Variants in HS6ST2 observed in about 807,000 individuals in gnomAD.
The protein encoded by HS6ST2 is heparan sulfate 6-O-sulfotransferase 2.
A neutral mutation model predicts 33.0 loss-of-function variants in HS6ST2; 17 were observed. That is an observed-to-expected ratio of 0.52 (90% CI 0.35 to 0.77). HS6ST2 has a LOEUF of 0.77. Among genes scored for constraint, HS6ST2 ranks in the 30% least tolerant of loss-of-function variants. HS6ST2 has a pLI of 0.01. For synonymous variants in HS6ST2, 248 were observed against 237.1 expected (o/e 1.05, Z -0.42); for missense variants, 519 against 551.7 (o/e 0.94, Z 0.59).
intron 2 of HS6ST2, among the ~76,000 whole-genome samples, chrX:132,858,994 C>A (rs1413301611): frequency 8.9e-6 from 1 of 112,374 alleles, no homozygotes; most frequent in African/African-American, 3.2e-5. Flanking sequence ...TTGTACAATG[C>A]ACAAACTGAA....
At chrX:132,889,631 T>G (rs897104965) in intron 2 of HS6ST2, among the ~76,000 whole-genome samples, 1 of 111,027 alleles carries the variant, frequency 9.0e-6, no homozygotes, top group Non-Finnish European at 1.9e-5. Context: ...ACCTTGGTAG[T>G]GGGTATGTGA....
At chrX:132,787,186 T>TATATATATATAC (rs1257971724) in intron 2 of HS6ST2, among the ~76,000 whole-genome samples, 1 of 77,160 alleles carries the variant, frequency 1.3e-5, no homozygotes, top group African/African-American at 5.9e-5. Flanking sequence ...TATATATATA[T>TATATATATATAC]ACATATATAT....
chrX:132,960,019 CA>C (rs1312576164), upstream of HS6ST2, among the ~76,000 whole-genome samples: 3 of 112,310 alleles, frequency 2.7e-5, no homozygotes, highest in African/African-American at 9.7e-5. Flanking sequence ...CAGCTGCAGA[CA>C]TAAGGGATAG....
At chrX:132,930,404 A>T (rs1229161363) in intron 2 of HS6ST2, among the ~76,000 whole-genome samples, 1 of 110,834 alleles carries the variant, frequency 9.0e-6, no homozygotes, top group African/African-American at 3.3e-5. Context: ...ACTTCTGGTG[A>T]TCCACCCACC....
intron 3 of HS6ST2, among the ~76,000 whole-genome samples, chrX:132,691,290 G>A (rs1290242885): frequency 3.6e-5 from 4 of 111,819 alleles, no homozygotes. Flanking sequence ...CTAAGGGTTT[G>A]GGCTGTAAAT....
At chrX:132,906,403 C>T in intron 2 of HS6ST2, among the ~76,000 whole-genome samples, 1 of 112,188 alleles carries the variant, frequency 8.9e-6, no homozygotes, top group East Asian at 2.8e-4. Context: ...GTAATAAATC[C>T]ATAAGAATAA....
At chrX:132,710,905 C>T (rs2064226155) in intron 2 of HS6ST2, among the ~76,000 whole-genome samples, 1 of 111,528 alleles carries the variant, frequency 9.0e-6, no homozygotes, top group Non-Finnish European at 1.9e-5. Context: ...CTGTCATGTT[C>T]TTTAACAGCT....
At chrX:132,904,055 T>C (rs995794556) in intron 2 of HS6ST2, among the ~76,000 whole-genome samples, 18 of 111,894 alleles carry the variant, frequency 1.6e-4, no homozygotes, top group African/African-American at 5.8e-4. Context: ...CTCCACTTCT[T>C]CACTTTTGTG....
chrX:132,742,090 C>T (rs1425780828), intron 2 of HS6ST2, among the ~76,000 whole-genome samples: 1 of 111,960 alleles, frequency 8.9e-6, no homozygotes, highest in African/African-American at 3.2e-5. Flanking sequence ...AAGACGTGCA[C>T]ATCTAGTGCT....
chrX:132,894,468 TTGTTATGTTATGTTATGTTATGTTA>T (rs61054237), intron 2 of HS6ST2, among the ~76,000 whole-genome samples: 90 of 91,787 alleles, frequency 9.8e-4, no homozygotes, highest in African/African-American at 2.9e-3. Context: ...GAAATTCCTA[TTGTTATGTTATGTTATGTTATGTTA>T]TGTTATGTTA....
chrX:132,750,515 A>G (rs1215697636), intron 2 of HS6ST2, among the ~76,000 whole-genome samples: 1 of 111,551 alleles, frequency 9.0e-6, no homozygotes, highest in East Asian at 2.8e-4. Context: ...TAGTGCTGCT[A>G]GCTTTGTTTT....
chrX:132,860,421 C>T (rs777434683), intron 2 of HS6ST2, among the ~76,000 whole-genome samples: 2 of 112,451 alleles, frequency 1.8e-5, no homozygotes, highest in East Asian at 5.6e-4. Context: ...CACACAGAGT[C>T]TTTGTGCATC....
chrX:132,942,806 C>T (rs1266947730), intron 2 of HS6ST2, among the ~76,000 whole-genome samples: 1 of 112,104 alleles, frequency 8.9e-6, no homozygotes, highest in Non-Finnish European at 1.9e-5. Context: ...AGCAATGCAA[C>T]TAACTGCTAA....
chrX:132,872,450 G>C (rs1384779321), intron 2 of HS6ST2, among the ~76,000 whole-genome samples: 1 of 111,688 alleles, frequency 9.0e-6, no homozygotes, highest in East Asian at 2.8e-4. Context: ...ATGCAAGAGG[G>C]AATGGAGGAG....
chrX:132,761,637 G>A (rs2064806100), intron 2 of HS6ST2, among the ~76,000 whole-genome samples: 1 of 112,099 alleles, frequency 8.9e-6, no homozygotes, highest in Non-Finnish European at 1.9e-5. Flanking sequence ...GAGTTTTTCT[G>A]TAATTGGTCC....
chrX:132,640,352 A>G (rs1342569686), intron 4 of HS6ST2, among the ~76,000 whole-genome samples: 1 of 111,230 alleles, frequency 9.0e-6, no homozygotes, highest in Non-Finnish European at 1.9e-5. Context: ...ATTCTGAAGG[A>G]CAAAAAGGAT....
In HS6ST2 at chrX:132,958,126, T is replaced by G. The variant is rs749965762; in HGVS notation, c.428+49A>C. 16 of 1,071,825 alleles carry G rather than the reference T, an allele frequency of 1.5e-5. No individual in the cohort carries two copies. The African/African-American group carries it at 2.3e-4, about 15-fold the overall frequency. 88.3% of individuals were successfully genotyped at this position (1,071,825 alleles called of 1,213,427 possible). On this transcript the variant is annotated intron_variant, in intron 1 of 4. Transcript: ENST00000370833. Reference sequence around the variant, plus strand: ...CTGCCTTCCCTCCCCGTACAGCACCTTCGCGCCCTGGCCTGGGAGCGCGAA... The same window carrying G: ...CTGCCTTCCCTCCCCGTACAGCACCGTCGCGCCCTGGCCTGGGAGCGCGAA...
intron 2 of HS6ST2, among the ~76,000 whole-genome samples, chrX:132,843,829 T>C (rs1440898616): frequency 4.5e-5 from 5 of 111,471 alleles, no homozygotes; most frequent in African/African-American, 1.6e-4. Context: ...TGAGAAAAGT[T>C]TGGAAAGGCT....
At chrX:132,761,270 C>T (rs1239529057) in intron 2 of HS6ST2, among the ~76,000 whole-genome samples, 2 of 111,658 alleles carry the variant, frequency 1.8e-5, no homozygotes, top group African/African-American at 3.3e-5. Context: ...GGTGCAACAC[C>T]GTCTGCAAAC....
Sources: allele counts gnomAD v4.1 joint callset (sites outside exome capture counted in the v4.1 genomes callset), GRCh38; gene constraint gnomAD v4.1.1; transcripts MANE v1.5; gene names NCBI Gene and HGNC (gene_info 2026-07-23, HGNC 2026-07-21).